EMSY: variants seen among roughly 807,000 people sequenced by gnomAD.
EMSY encodes the protein EMSY transcriptional repressor, BRCA2 interacting.
A neutral mutation model predicts 134.6 loss-of-function variants in EMSY; 26 were observed. That is an observed-to-expected ratio of 0.19 (90% CI 0.14 to 0.27). EMSY has a LOEUF of 0.27. EMSY is among the 10% of genes least tolerant of loss of function. The pLI, the probability that EMSY is intolerant of heterozygous loss-of-function variation, is 1.00. For synonymous variants in EMSY, 579 were observed against 577.8 expected, an observed-to-expected ratio of 1.00 and a Z score of -0.03; for missense variants, 1,305 against 1,611.4, an observed-to-expected ratio of 0.81 and a Z score of 3.26.
At chr11:76,494,657 TC>T (rs1345573120) in intron 8 of EMSY, among the ~76,000 whole-genome samples, 32 of 1,632 alleles carry the variant, frequency 0.02, 1 homozygote, top group East Asian at 0.19. Flanking sequence ...TTCCCTTCCT[TC>T]CTTCCTTCCT....
chr11:76,471,012 A>T (rs551749978), intron 7 of EMSY, among the ~76,000 whole-genome samples: 1 of 152,010 alleles, frequency 6.6e-6, no homozygotes, highest in African/African-American at 2.4e-5. Context: ...TCCATTCTTC[A>T]TATCAATATA....
At chr11:76,493,930 C>T (rs891137277) in intron 8 of EMSY, among the ~76,000 whole-genome samples, 1 of 152,184 alleles carries the variant, frequency 6.6e-6, no homozygotes, top group African/African-American at 2.4e-5. Flanking sequence ...CTTGGGGGAG[C>T]CCAGACCTAG....
At chr11:76,469,556 T>G (rs1412990236) in intron 7 of EMSY, among the ~76,000 whole-genome samples, 1 of 152,240 alleles carries the variant, frequency 6.6e-6, no homozygotes, top group African/African-American at 2.4e-5. Flanking sequence ...CTTTTCACAT[T>G]TATTAAGTAG....
At chr11:76,458,657 A>G (rs1565276195) in intron 5 of EMSY, 2 of 205,432 alleles carry the variant, frequency 9.7e-6, no homozygotes, top group African/African-American at 2.3e-5. Flanking sequence ...AATGGATGAC[A>G]TTAGAAAATA....
chr11:76,533,488 G>A (rs559891243), intron 14 of EMSY, among the ~76,000 whole-genome samples: 83 of 152,236 alleles, frequency 5.5e-4, no homozygotes, highest in African/African-American at 2.0e-3. Flanking sequence ...GAGTACTTTG[G>A]TGCTGGAGTT....
At chr11:76,531,673 A>G (rs535850899) in intron 14 of EMSY, among the ~76,000 whole-genome samples, 4 of 152,326 alleles carry the variant, frequency 2.6e-5, no homozygotes, top group African/African-American at 9.6e-5. Flanking sequence ...TGTAATTTGT[A>G]GGAAGGTACA....
intron 5 of EMSY, 157 bp downstream of exon 6, chr11:76,458,515 G>A (rs1229069736): frequency 6.6e-6 from 5 of 752,420 alleles, no homozygotes; most frequent in Non-Finnish European, 7.6e-6. Context: ...AGACTGCCAG[G>A]TTTTTAGCCT....
intron 8 of EMSY, among the ~76,000 whole-genome samples, chr11:76,486,467 A>G (rs1374852909): frequency 1.3e-5 from 2 of 152,210 alleles, no homozygotes; most frequent in Non-Finnish European, 2.9e-5. Flanking sequence ...GATGATTTTC[A>G]AAAAGAGTTT....
At chr11:76,544,516 C>T (rs906738420) in exon 19 of EMSY, 2 of 1,614,036 alleles carry the variant, frequency 1.2e-6, no homozygotes, top group African/African-American at 1.3e-5. Flanking sequence ...AGCTCCAGCA[C>T]AAACTCCCGC....
chr11:76,525,174 T>C (rs1236214570), intron 12 of EMSY, among the ~76,000 whole-genome samples: 5 of 152,206 alleles, frequency 3.3e-5, no homozygotes, highest in Admixed American at 1.3e-4. Flanking sequence ...CAGGGTCCAT[T>C]GAGCTATTTA....
intron 11 of EMSY, among the ~76,000 whole-genome samples, chr11:76,518,146 C>T (rs1403110819): frequency 6.8e-6 from 1 of 147,386 alleles, no homozygotes; most frequent in African/African-American, 2.5e-5. Flanking sequence ...CCATCTTCCC[C>T]AAACAAAAAA....
chr11:76,478,340 ATT>A lies in EMSY; in HGVS notation c.1108+5520_1108+5521del, dbSNP rs371584435. 3.7e-3 allele frequency among the ~76,000 whole-genome samples: 453 copies of A among 122,508 alleles called. 1 individual carries two copies. The highest frequency in any genetic ancestry group is 6.6e-3 in the African/African-American group (213 of 32,268). 80.4% of individuals were successfully genotyped at this position (122,508 alleles called of 152,430 possible). On this transcript the variant is annotated intron_variant, in intron 8 of 20. Coordinates refer to ENST00000334736, the Ensembl canonical transcript of EMSY. ...TATTACCTTTTTACCCATGTGAATA[ATT>A]TTTTTTTTTTTTTTTTTTTGAGACT...
At chr11:76,520,649 G>A (rs2136236626) in intron 11 of EMSY, among the ~76,000 whole-genome samples, 1 of 152,232 alleles carries the variant, frequency 6.6e-6, no homozygotes, top group East Asian at 1.9e-4. Flanking sequence ...CTCAGAGCAT[G>A]TTACCTTGGA....
rs374293907 is a variant in EMSY at position 76,542,225 on chromosome 11, G to T, written c.2567G>T (p.Arg856Leu). 1 of 1,614,100 alleles carries T rather than the reference G, an allele frequency of 6.2e-7. No homozygotes were observed. Among genetic ancestry groups the T allele is most frequent in the Non-Finnish European group, 8.5e-7 (1 of 1,179,992 alleles). Residue 856 changes from arginine to leucine, a missense_variant, in exon 18 of 21, where the codon CGC becomes CTC. This residue lies in a region of EMSY where 664 missense variants were observed against 763.9 expected (regional missense o/e 0.87). Transcript: ENST00000334736. ...CCTCCTCTATTTTCAGTCAGCCATC[G>T]CTCCCAGCCCCAACAGCCTTCCCAG...
intron 4 of EMSY, 70 bp from the exon 6 acceptor site, chr11:76,458,113 T>C (rs1947948134): frequency 1.4e-6 from 2 of 1,416,056 alleles, no homozygotes; most frequent in Admixed American, 4.8e-5. Flanking sequence ...TTATATATGT[T>C]TGAGCATATA....
intron 6 of EMSY, among the ~76,000 whole-genome samples, chr11:76,463,588 A>G (rs1292767237): frequency 6.9e-6 from 1 of 145,426 alleles, no homozygotes; most frequent in East Asian, 2.1e-4. Context: ...GCGCCACTGC[A>G]GTCCGCAGTC....
intron 4 of EMSY, among the ~76,000 whole-genome samples, chr11:76,457,943 TTTCAGTTATGTTCATGATAAGA>T (rs1947940797): frequency 6.6e-6 from 1 of 152,198 alleles, no homozygotes; most frequent in African/African-American, 2.4e-5. Flanking sequence ...TTTCTTGTAG[TTTCAGTTATGTTCATGATAAGA>T]TTCAGATTAT....
chr11:76,527,794 GAAAA>G (rs1001099970), intron 13 of EMSY, among the ~76,000 whole-genome samples: 1 of 150,778 alleles, frequency 6.6e-6, no homozygotes, highest in Non-Finnish European at 1.5e-5. Context: ...AAAAAGAAAA[GAAAA>G]AAAACTTGAA....
At chr11:76,499,983 A>T (rs1949797718) in intron 9 of EMSY, among the ~76,000 whole-genome samples, 1 of 151,148 alleles carries the variant, frequency 6.6e-6, no homozygotes, top group African/African-American at 2.4e-5. Context: ...GGGAGGGAGC[A>T]GGAGGATTGC....
Sources: gnomAD v4.1 joint callset for allele counts (sites outside exome capture counted in the v4.1 genomes callset) on GRCh38, gnomAD v4.1.1 for gene constraint, gnomAD v4.1.1 regional missense constraint, MANE v1.5 for transcripts, NCBI Gene and HGNC (gene_info 2026-07-23, HGNC 2026-07-21) for gene names.